Variants in TSPEAR observed in about 807,000 individuals in gnomAD.
TSPEAR encodes the protein thrombospondin-type laminin G domain and EAR repeat-containing protein.
In TSPEAR, 69 loss-of-function variants were observed where a neutral mutation model predicts 71.6. That is an observed-to-expected ratio of 0.96 (90% CI 0.79 to 1.18). The LOEUF (loss-of-function observed/expected upper bound fraction) is 1.18. TSPEAR is among the 50% of genes most tolerant of loss of function. The probability of loss-of-function intolerance (pLI) is 0.00; values close to 1 mark genes in which losing one functional copy is unlikely to be tolerated. For synonymous variants in TSPEAR, 402 were observed against 387.2 expected, an observed-to-expected ratio of 1.04 and a Z score of -0.45; for missense variants, 971 against 894.9, an observed-to-expected ratio of 1.09 and a Z score of -1.09.
intron 1 of TSPEAR, among the ~76,000 whole-genome samples, chr21:44,709,939 C>T (rs546776783): frequency 9.8e-5 from 15 of 152,318 alleles, no homozygotes; most frequent in African/African-American, 2.2e-4. Flanking sequence ...ATAACTGGGT[C>T]ATCTTTTAAC....
At chr21:44,553,644 C>G (rs1481360751) in intron 2 of TSPEAR, among the ~76,000 whole-genome samples, 1 of 152,072 alleles carries the variant, frequency 6.6e-6, no homozygotes, top group East Asian at 1.9e-4. Flanking sequence ...AATTGAGGAT[C>G]AGGTATTCTG....
chr21:44,553,050 G>A (rs1376763421), intron 2 of TSPEAR, among the ~76,000 whole-genome samples: 1 of 152,268 alleles, frequency 6.6e-6, no homozygotes, highest in African/African-American at 2.4e-5. Flanking sequence ...TGTGACTGTA[G>A]TGACAGCTTC....
Position 44,550,705 on chromosome 21 carries a change from T to C in TSPEAR, c.304-16782A>G, listed in dbSNP as rs782124590. Reference sequence around the variant, plus strand: ...GGACATGGCCATCAGCAGCTAGACTTTTGGCCTGAGGAAAAGCTGCAGGAG... The same window carrying C: ...GGACATGGCCATCAGCAGCTAGACTCTTGGCCTGAGGAAAAGCTGCAGGAG... On this transcript the variant is annotated intron_variant, in intron 2 of 11. Coordinates refer to ENST00000323084, the MANE Select transcript of TSPEAR (RefSeq NM_144991.3). 5.0e-6 allele frequency: 8 copies of C among 1,613,730 alleles called. No individual in the cohort carries two copies. In the East Asian group the frequency reaches 1.8e-4, roughly 36 times the overall value.
chr21:44,646,579 C>A (rs781870151), intron 1 of TSPEAR: 3 of 1,612,414 alleles, frequency 1.9e-6, no homozygotes, highest in African/African-American at 2.7e-5. Context: ...CGCCCCGGCC[C>A]CCTCCCTGAG....
intron 1 of TSPEAR, among the ~76,000 whole-genome samples, chr21:44,572,813 C>G (rs1037870249): frequency 6.9e-6 from 1 of 144,804 alleles, no homozygotes; most frequent in South Asian, 2.3e-4. Context: ...GCTTTGTATC[C>G]TTATAAAAAG....
chr21:44,511,596 A>C (rs906076300), intron 9 of TSPEAR, among the ~76,000 whole-genome samples: 3 of 151,834 alleles, frequency 2.0e-5, no homozygotes, highest in Admixed American at 1.3e-4. Flanking sequence ...ATCCGCCTGC[A>C]TGACATCTAC....
chr21:44,525,312 A>G (rs587630829), intron 8 of TSPEAR, among the ~76,000 whole-genome samples: 5 of 152,124 alleles, frequency 3.3e-5, no homozygotes, highest in African/African-American at 1.2e-4. Flanking sequence ...GCAGTCAGTC[A>G]TCAGGTAATT....
rs2053588457 is a variant in TSPEAR at position 44,558,712 on chromosome 21, C to T, written c.303+9073G>A. 3 of 1,594,898 alleles carry T rather than the reference C, an allele frequency of 1.9e-6. No individual in the cohort carries two copies. The highest frequency in any genetic ancestry group is 1.8e-4 in the Middle Eastern group (1 of 5,566). ...GAGCAGACGGACATGGTAGACGTGG[C>T]CATGCTGGGGTGGGGAGGAGGTGAG... is the stretch of plus-strand genomic sequence containing the variant. On this transcript the variant is annotated intron_variant, in intron 2 of 11. Coordinates refer to ENST00000323084, the MANE Select transcript of TSPEAR (RefSeq NM_144991.3).
chr21:44,637,646 C>G (rs1983697558), intron 1 of TSPEAR: 1 of 1,579,404 alleles, frequency 6.3e-7, no homozygotes, highest in African/African-American at 1.4e-5. Context: ...ATGCTACCAG[C>G]AGTCTAGCTG....
chr21:44,548,255 C>T lies in TSPEAR; in HGVS notation c.304-14332G>A, dbSNP rs1406240837. Among the ~76,000 whole-genome samples, 4 of 152,226 alleles carry T rather than the reference C, an allele frequency of 2.6e-5. No individual in the cohort carries two copies. In the East Asian group the frequency reaches 7.7e-4, roughly 29 times the overall value. ...TGGCAACAGCATCCCACATCAGAAA[C>T]TCGGGCTGCTGCCTTCCTGACTGTC... On this transcript the variant is annotated intron_variant, in intron 2 of 11. Transcript: ENST00000323084.
intron 2 of TSPEAR, chr21:44,539,306 C>G (rs782333792): frequency 1.2e-6 from 2 of 1,609,114 alleles, no homozygotes; most frequent in Non-Finnish European, 1.7e-6. Context: ...GAGGCCTCAG[C>G]AGGCCGGGCG....
intron 1 of TSPEAR, chr21:44,591,843 G>T: frequency 6.2e-7 from 1 of 1,608,508 alleles, no homozygotes; most frequent in Middle Eastern, 1.7e-4. Flanking sequence ...AAGTTGGCTG[G>T]CAGCTAGACT....
intron 1 of TSPEAR, chr21:44,681,797 A>G: frequency 6.3e-7 from 1 of 1,581,062 alleles, no homozygotes; most frequent in Non-Finnish European, 8.6e-7. Flanking sequence ...GTGTGGCCTC[A>G]TCTGCACTGG....
chr21:44,673,230 G>T (rs1483208289), intron 1 of TSPEAR, among the ~76,000 whole-genome samples: 1 of 152,152 alleles, frequency 6.6e-6, no homozygotes, highest in Non-Finnish European at 1.5e-5. Flanking sequence ...TACAGGTCAG[G>T]ACAGAATGGG....
At position 44,527,518 on chromosome 21, in the gene TSPEAR, G is replaced by A; in HGVS notation, c.923C>T (p.Ala308Val). The A allele has an allele frequency of 6.2e-7, 1 of 1,613,988 alleles. No homozygotes were observed. Among genetic ancestry groups the A allele is most frequent in the South Asian group, 1.1e-5 (1 of 91,086 alleles). The change falls in exon 7 of 12, where the codon GCC becomes GTC. Residue 308 changes from alanine to valine, a missense_variant and splice_region_variant. Coordinates refer to ENST00000323084, the MANE Select transcript of TSPEAR (RefSeq NM_144991.3). Reference sequence around the variant, plus strand: ...CTCCACGTAGTCCAGTCTTTCTTTGGCTTGTGATAGAAACGTTGTGACTCG... The same window carrying A: ...CTCCACGTAGTCCAGTCTTTCTTTGACTTGTGATAGAAACGTTGTGACTCG... ...VGNEWVSVLA[A>V]KERLDYVEEH...
intron 1 of TSPEAR, among the ~76,000 whole-genome samples, chr21:44,686,055 G>A (rs1407888322): frequency 3.9e-5 from 6 of 152,144 alleles, no homozygotes; most frequent in African/African-American, 9.7e-5. Flanking sequence ...GAGCTTCTCA[G>A]TCAAAACGGG....
At chr21:44,515,339 CTCCTAAGGCACCTTCAGGGCCT>C (rs1286988879) in intron 9 of TSPEAR, among the ~76,000 whole-genome samples, 3 of 152,248 alleles carry the variant, frequency 2.0e-5, no homozygotes, top group Admixed American at 6.5e-5. Context: ...TCCCAGGGCC[CTCCTAAGGCACCTTCAGGGCCT>C]GGGCCATGAT....
chr21:44,654,292 G>C, intron 1 of TSPEAR: 1 of 1,613,772 alleles, frequency 6.2e-7, no homozygotes, highest in Non-Finnish European at 8.5e-7. Flanking sequence ...GCCAGTGGGG[G>C]TGCTCCAGGT....
intron 2 of TSPEAR, chr21:44,558,483 G>A (rs181734444): frequency 2.8e-4 from 458 of 1,614,030 alleles, no homozygotes; most frequent in Admixed American, 5.8e-4. Context: ...CTGGCAGCAC[G>A]AGGGCGTGCA....
Sources: gnomAD v4.1 joint callset for allele counts (sites outside exome capture counted in the v4.1 genomes callset) on GRCh38, gnomAD v4.1.1 for gene constraint, MANE v1.5 for transcripts, NCBI Gene and HGNC (gene_info 2026-07-23, HGNC 2026-07-21) for gene names.